Variants in PIK3C2B observed in about 807,000 individuals in gnomAD.
PIK3C2B encodes the protein phosphatidylinositol-4-phosphate 3-kinase catalytic subunit type 2 beta, also known as phosphatidylinositol 4-phosphate 3-kinase C2 domain-containing subunit beta.
A neutral mutation model predicts 184.3 loss-of-function variants in PIK3C2B; 83 were observed. The ratio of observed to expected loss-of-function variants is 0.45; its 90% CI spans 0.38 to 0.54. The LOEUF (loss-of-function observed/expected upper bound fraction) is 0.54, where lower values mean the gene tolerates loss of function less well. PIK3C2B is among the 20% of genes least tolerant of loss of function. The pLI is 0.00. For missense variants in PIK3C2B, 1,736 were observed against 2,113.5 expected, an observed-to-expected ratio of 0.82 and a Z score of 3.50; for synonymous variants, 779 against 837.6, an observed-to-expected ratio of 0.93 and a Z score of 1.21.
chr1:204,466,847 G>A (rs755714640), intron 2 of PIK3C2B: 15 of 532,956 alleles, frequency 2.8e-5, no homozygotes, highest in South Asian at 2.1e-4. Context: ...GCTGGCAGCA[G>A]GGGTATCAGG....
chr1:204,452,496 C>A (rs1654459231), intron 12 of PIK3C2B, among the ~76,000 whole-genome samples: 1 of 145,590 alleles, frequency 6.9e-6, no homozygotes, highest in Non-Finnish European at 1.5e-5. Context: ...CAGGCTGGCA[C>A]CCCTTCTCTT....
At chr1:204,440,130 G>T in intron 22 of PIK3C2B, 62 bp downstream of exon 22, 1 of 1,520,532 alleles carries the variant, frequency 6.6e-7, no homozygotes, top group Non-Finnish European at 8.9e-7. Context: ...TGTTGGCAAT[G>T]GGCAGAAGGA....
chr1:204,446,144 C>A lies in PIK3C2B; in HGVS notation c.2490G>T (p.Trp830Cys). ...KDIMQKESLY[W>C]LTDADKKRLW... ...GGCGCTTCTTGTCAGCATCAGTGAG[C>A]CTGGTGGGCACACGGAAAGGAGAAG... Residue 830 changes from tryptophan (W) to cysteine (C), a missense_variant and splice_region_variant, in exon 16 of 33, where the codon TGG (tryptophan) becomes TGT (cysteine). Around this residue, in one of 8 missense-constraint regions of PIK3C2B, gnomAD observed 609 missense variants for 699.2 expected, o/e 0.87. Coordinates refer to ENST00000684373, the MANE Select transcript of PIK3C2B (RefSeq NM_001377334.1). The A allele has an allele frequency of 6.5e-7, 1 of 1,543,860 alleles. No homozygotes were observed. Among genetic ancestry groups the A allele is most frequent in the Admixed American group, 1.9e-5 (1 of 52,282 alleles).
At chr1:204,441,390 C>T in intron 21 of PIK3C2B, 81 bp downstream of exon 21, 1 of 817,358 alleles carries the variant, frequency 1.2e-6, no homozygotes, top group East Asian at 2.4e-5. Context: ...GAGAACCACC[C>T]AGGGGCTACT....
chr1:204,483,389 C>CA lies in PIK3C2B; in HGVS notation c.-85+10966dup, dbSNP rs10578144. ...GCCTGGGTGACAGAGAACCCTGACT[C>CA]AAAAAAAAAAAAAAACGATCTTCAG... On this transcript the variant is annotated intron_variant, in intron 1 of 32. Coordinates refer to ENST00000684373, the MANE Select transcript of PIK3C2B (RefSeq NM_001377334.1). 6.0e-3 allele frequency among the ~76,000 whole-genome samples: 881 copies of CA among 147,736 alleles called. 8 individuals are homozygous for CA. The highest frequency in any genetic ancestry group is 0.021 in the African/African-American group (812 of 39,498).
In PIK3C2B at chr1:204,424,404, C is replaced by A. The variant is rs1194351876; in HGVS notation, c.*448G>T. On this transcript the variant is annotated 3_prime_UTR_variant, in exon 33 of 33. Coordinates refer to ENST00000684373, the MANE Select transcript of PIK3C2B (RefSeq NM_001377334.1). The stretch of plus-strand genomic sequence containing the variant: ...TCATACAAAAAGTCCAAATAGTCTT[C>A]CTCTCTTGCCTTCTGGGGCATAGGT... 3.7e-6 allele frequency: 1 copy of A among 268,132 alleles called. No individual in the cohort carries two copies. The highest frequency in any genetic ancestry group is 2.2e-5 in the African/African-American group (1 of 45,160). 16.6% of individuals were successfully genotyped at this position (268,132 alleles called of 1,614,324 possible). A position where few individuals can be genotyped will look rare whatever the true frequency, so the allele number is the denominator to read the frequency against.
chr1:204,442,196 T>C (rs1054021830), intron 20 of PIK3C2B, among the ~76,000 whole-genome samples: 8 of 152,152 alleles, frequency 5.3e-5, no homozygotes, highest in Admixed American at 5.2e-4. Flanking sequence ...ATTTTATGGC[T>C]TATATGGAGA....
In PIK3C2B at chr1:204,423,946, G is replaced by A. The variant is rs1279351940; in HGVS notation, c.*906C>T. Reference sequence around the variant, plus strand: ...GACAAATGAAGGGAGAGACCTATGGGGAAGCACCCCCAGCATATTCATAGA... The same window carrying A: ...GACAAATGAAGGGAGAGACCTATGGAGAAGCACCCCCAGCATATTCATAGA... On this transcript the variant is annotated 3_prime_UTR_variant, in exon 33 of 33. Transcript: ENST00000684373. The A allele has an allele frequency of 6.6e-6, 1 of 152,604 alleles. No homozygotes were observed. Among genetic ancestry groups the A allele is most frequent in the African/African-American group, 2.4e-5 (1 of 41,388 alleles). 9.5% of individuals were successfully genotyped at this position (152,604 alleles called of 1,614,324 possible).
chr1:204,425,604 C>T lies in PIK3C2B; in HGVS notation c.4716+9G>A. 6.2e-7 allele frequency: 1 copy of T among 1,613,932 alleles called. No individual in the cohort carries two copies. The highest frequency in any genetic ancestry group is 8.5e-7 in the Non-Finnish European group (1 of 1,179,902). ...ACCCCTGCCCTACCCCACCATTTTC[C>T]CCACCCACCATCTCATTGTAGGTAG... On this transcript the variant is annotated intron_variant, in intron 32 of 32. Transcript: ENST00000684373.
In PIK3C2B at chr1:204,424,904, T is replaced by A; in HGVS notation, c.4853A>T (p.Gln1618Leu). The A allele has an allele frequency of 6.2e-7, 1 of 1,614,238 alleles. No homozygotes were observed. The highest frequency in any genetic ancestry group is 8.5e-7 in the Non-Finnish European group (1 of 1,180,028). ...CAGGGCGAACCAGCCGGTCTTCTCCTGAGCCAGGTCCAGCTCTCGCAGGCG... is the reference window on the plus strand; with the variant it reads ...CAGGGCGAACCAGCCGGTCTTCTCCAGAGCCAGGTCCAGCTCTCGCAGGCG... The part of the protein sequence containing the change: ...NIRLRELDLA[Q>L]EKTGWFALGS... Residue 1618 changes from glutamine (Q) to leucine (L), a missense_variant, in exon 33 of 33, where the codon CAG (glutamine) becomes CTG (leucine). Physicochemically the swap from Gln to Leu is moderately radical, Grantham distance 113. Transcript: ENST00000684373.
In PIK3C2B at chr1:204,431,739, G is replaced by T. The variant is rs1301591945; in HGVS notation, c.4210C>A (p.Arg1404=). 1.9e-6 allele frequency: 3 copies of T among 1,614,088 alleles called. No individual in the cohort carries two copies. The highest frequency in any genetic ancestry group is 2.7e-5 in the African/African-American group (2 of 75,022). ...AATTCCTGGAACTCCTCAAAGGTCC[G>T]CTGGATGTAGGTGGCCTCGTGAGTG... ...ENTHEATYIQ[R]TFEEFQELHN... is the part of the protein sequence containing the mutation. The change falls in exon 28 of 33, where the codon CGG becomes AGG. Residue 1404 remains arginine (R), a synonymous_variant. Transcript: ENST00000684373.
At chr1:204,442,161 T>A (rs1039821765) in intron 20 of PIK3C2B, among the ~76,000 whole-genome samples, 10 of 152,282 alleles carry the variant, frequency 6.6e-5, no homozygotes, top group Non-Finnish European at 1.5e-5. Flanking sequence ...GCCACAGATA[T>A]GCCTTTCTTC....
rs144347206 is a variant in PIK3C2B, at chr1:204,487,180, A to C, written c.-85+7176T>G. Among the ~76,000 whole-genome samples, 452 of 152,286 alleles carry C rather than the reference A, an allele frequency of 3.0e-3. 3 individuals are homozygous for C. Among genetic ancestry groups the C allele is most frequent in the African/African-American group, 0.01 (430 of 41,548 alleles). ...GAGTGCAGTGGTGCAATCATAGCTT[A>C]CTGTAACCTCAAACTCCCCAGGTCA... On this transcript the variant is annotated intron_variant, in intron 1 of 32. Coordinates refer to ENST00000684373, the MANE Select transcript of PIK3C2B (RefSeq NM_001377334.1).
intron 1 of PIK3C2B, among the ~76,000 whole-genome samples, chr1:204,492,840 T>G (rs569388930): frequency 6.6e-6 from 1 of 152,142 alleles, no homozygotes; most frequent in African/African-American, 2.4e-5. Flanking sequence ...CTCAGAGCCA[T>G]GGCAATCAAA....
At chr1:204,443,799 A>C (rs946423193) in intron 18 of PIK3C2B, among the ~76,000 whole-genome samples, 2 of 152,204 alleles carry the variant, frequency 1.3e-5, no homozygotes, top group African/African-American at 4.8e-5. Flanking sequence ...TCTGTCTTTA[A>C]GTAGAGTTCA....
chr1:204,441,661 GC>G, intron 20 of PIK3C2B, 98 bp from the exon 21 acceptor site: 1 of 698,098 alleles, frequency 1.4e-6, no homozygotes, highest in South Asian at 1.9e-5. Context: ...CCTCCCCGCT[GC>G]TGCCGGTCCA....
At chr1:204,461,228 T>A (rs1351659911) in intron 5 of PIK3C2B, among the ~76,000 whole-genome samples, 2 of 152,258 alleles carry the variant, frequency 1.3e-5, no homozygotes, top group African/African-American at 4.8e-5. Flanking sequence ...TGGCCCTGCC[T>A]GCTTGTGAAT....
In PIK3C2B at chr1:204,464,496, A is replaced by G. The variant is rs945600035; in HGVS notation, c.1143T>C (p.Thr381=). The change falls in exon 4 of 33, where the codon ACT becomes ACC. Residue 381 remains threonine (T), a synonymous_variant. Transcript: ENST00000684373. ...HLGDEVNLKV[T]VLCDRLQEAL... ...CCTCTTGAAGCCTGTCACACAACAC[A>G]GTCACCTTCAGGTTGACCTCATCCC... is the stretch of plus-strand genomic sequence containing the variant. 1.9e-6 allele frequency: 3 copies of G among 1,614,014 alleles called. No individual in the cohort carries two copies. Among genetic ancestry groups the G allele is most frequent in the African/African-American group, 2.7e-5 (2 of 74,912 alleles).
At chr1:204,456,137 G>A (rs1654829141) in intron 10 of PIK3C2B, 86 bp from the exon 11 acceptor site, 2 of 1,075,998 alleles carry the variant, frequency 1.9e-6, no homozygotes, top group African/African-American at 1.6e-5. Flanking sequence ...GAATGGGATG[G>A]CCTAAGACAG....
Sources: allele counts gnomAD v4.1 joint callset (sites outside exome capture counted in the v4.1 genomes callset), GRCh38; gene constraint gnomAD v4.1.1; regional missense constraint gnomAD v4.1.1; transcripts MANE v1.5; gene names NCBI Gene and HGNC (gene_info 2026-07-23, HGNC 2026-07-21).